MAN2A1: variants seen among roughly 807,000 people sequenced by gnomAD.
MAN2A1 encodes alpha-mannosidase 2.
In MAN2A1, 76 loss-of-function variants were observed where a neutral mutation model predicts 142.6. That is an observed-to-expected ratio of 0.53 (90% confidence interval 0.44 to 0.65). The LOEUF is 0.65. Ranked by LOEUF, MAN2A1 falls within the 30% of genes least tolerant of loss-of-function variation. The probability of loss-of-function intolerance (pLI) is 0.00; values close to 1 mark genes in which losing one functional copy is unlikely to be tolerated. For missense variants in MAN2A1, 1,311 were observed against 1,365.1 expected (o/e 0.96, Z 0.62); for synonymous variants, 559 against 473.2 (o/e 1.18, Z -2.35).
chr5:109,734,919 G>T (rs1029985439), intron 4 of MAN2A1, among the ~76,000 whole-genome samples: 1 of 152,076 alleles, frequency 6.6e-6, no homozygotes, highest in African/African-American at 2.4e-5. Context: ...CAATTCCTGG[G>T]TATCCTTGTT....
intron 12 of MAN2A1, among the ~76,000 whole-genome samples, chr5:109,791,663 G>T (rs1318387012): frequency 1.3e-5 from 2 of 151,874 alleles, no homozygotes; most frequent in African/African-American, 2.4e-5. Context: ...GTGAAAATTG[G>T]TTTTTGGGGA....
At chr5:109,709,586 G>A (rs559804209) in intron 1 of MAN2A1, among the ~76,000 whole-genome samples, 2 of 152,246 alleles carry the variant, frequency 1.3e-5, no homozygotes, top group South Asian at 2.1e-4. Context: ...ATAAATTTAC[G>A]GATTTAGCTG....
chr5:109,848,901 T>G (rs1755407882), intron 19 of MAN2A1, among the ~76,000 whole-genome samples: 1 of 152,226 alleles, frequency 6.6e-6, no homozygotes, highest in Non-Finnish European at 1.5e-5. Flanking sequence ...TTTCATCACT[T>G]CCTTCTCACA....
At chr5:109,840,433 C>G (rs1306435246) in intron 16 of MAN2A1, 2 of 449,358 alleles carry the variant, frequency 4.5e-6, no homozygotes, top group Admixed American at 2.6e-5. Flanking sequence ...TACCAGGTTT[C>G]TGCATCAGCC....
At chr5:109,786,286 T>A (rs1287130981) in intron 10 of MAN2A1, among the ~76,000 whole-genome samples, 1 of 152,028 alleles carries the variant, frequency 6.6e-6, no homozygotes, top group African/African-American at 2.4e-5. Context: ...GCTTGGTTTG[T>A]TGAGAGTTTA....
chr5:109,864,857 G>C lies in MAN2A1; in HGVS notation c.3172-179G>C, dbSNP rs1580327500. On this transcript the variant is annotated intron_variant, in intron 20 of 21. Transcript: ENST00000261483. ...ATCTTACCTGGCTCAGTACAAGTAGGAGAGAATGGTAGCAGGTGAATGGGC... is the reference window on the plus strand; with the variant it reads ...ATCTTACCTGGCTCAGTACAAGTAGCAGAGAATGGTAGCAGGTGAATGGGC... 7 of 603,946 alleles carry C rather than the reference G, an allele frequency of 1.2e-5. No individual in the cohort carries two copies. In the East Asian group the frequency reaches 2.0e-4, roughly 17 times the overall value. The allele number at this position is 603,946 out of a possible 1,614,324, so 37.4% of individuals were successfully genotyped here.
intron 1 of MAN2A1, among the ~76,000 whole-genome samples, chr5:109,711,729 T>A (rs528487130): frequency 1.3e-5 from 2 of 152,322 alleles, no homozygotes; most frequent in Non-Finnish European, 2.9e-5. Context: ...GTGTGCTCCC[T>A]CTCTTGCCTT....
chr5:109,854,933 T>C (rs11750404), intron 19 of MAN2A1: 26,509 of 385,840 alleles, frequency 0.069, 1,130 homozygotes, highest in African/African-American at 0.15. Flanking sequence ...TTTAAACATA[T>C]GAGTTAGATG....
At chr5:109,805,850 A>G (rs972916433) in intron 12 of MAN2A1, among the ~76,000 whole-genome samples, 4 of 152,238 alleles carry the variant, frequency 2.6e-5, no homozygotes, top group Admixed American at 2.0e-4. Context: ...AAGTGTTTCC[A>G]GTAACTGGGA....
chr5:109,740,249 A>AGGTGTCC (rs1290841895), intron 4 of MAN2A1, among the ~76,000 whole-genome samples: 1 of 152,236 alleles, frequency 6.6e-6, no homozygotes, highest in African/African-American at 2.4e-5. Context: ...CAGTTGGGGA[A>AGGTGTCC]GGTGTCCTGG....
At chr5:109,752,435 T>A (rs1229120454) in intron 4 of MAN2A1, among the ~76,000 whole-genome samples, 8 of 152,258 alleles carry the variant, frequency 5.3e-5, no homozygotes, top group Non-Finnish European at 1.0e-4. Flanking sequence ...AGCAAGCTTC[T>A]GAGTGCCGGA....
At chr5:109,758,122 C>T (rs188821625) in intron 5 of MAN2A1, among the ~76,000 whole-genome samples, 2 of 152,200 alleles carry the variant, frequency 1.3e-5, no homozygotes, top group African/African-American at 2.4e-5. Context: ...AGAGCGGTAT[C>T]GTTCTACCTT....
chr5:109,857,504 G>A (rs911206628), intron 20 of MAN2A1, among the ~76,000 whole-genome samples: 6 of 152,086 alleles, frequency 3.9e-5, no homozygotes, highest in Non-Finnish European at 8.8e-5. Flanking sequence ...GAGGATGGGC[G>A]GTCACCATCC....
At chr5:109,700,148 C>T (rs945834911) in intron 1 of MAN2A1, among the ~76,000 whole-genome samples, 5 of 152,048 alleles carry the variant, frequency 3.3e-5, no homozygotes, top group East Asian at 1.9e-4. Flanking sequence ...TTTTTGTTAG[C>T]GTCAGAGGAA....
chr5:109,773,521 G>GT (rs1753205240), intron 7 of MAN2A1, among the ~76,000 whole-genome samples: 1 of 151,172 alleles, frequency 6.6e-6, no homozygotes, highest in African/African-American at 2.4e-5. Flanking sequence ...GTTTTTTATC[G>GT]TAAGTAACCT....
At chr5:109,839,388 A>T (rs1755140689) in intron 16 of MAN2A1, among the ~76,000 whole-genome samples, 1 of 152,064 alleles carries the variant, frequency 6.6e-6, no homozygotes. Context: ...TTCTTTTTCA[A>T]CTTCCCAATA....
At chr5:109,714,360 A>T (rs971879047) in intron 2 of MAN2A1, among the ~76,000 whole-genome samples, 1 of 152,200 alleles carries the variant, frequency 6.6e-6, no homozygotes, top group African/African-American at 2.4e-5. Context: ...AGTGTGCAAG[A>T]TATCTTAATT....
intron 1 of MAN2A1, chr5:109,699,632 T>C (rs1017037696): frequency 6.5e-6 from 1 of 152,692 alleles, no homozygotes; most frequent in Non-Finnish European, 1.5e-5. Context: ...AGCAGGGGAG[T>C]GCAGCTCCTT....
intron 7 of MAN2A1, among the ~76,000 whole-genome samples, chr5:109,772,170 G>A (rs762588467): frequency 2.0e-5 from 3 of 152,076 alleles, no homozygotes; most frequent in South Asian, 2.1e-4. Context: ...CGAGGCAGGC[G>A]GATTTTCTGA....
Sources: allele counts gnomAD v4.1 joint callset (sites outside exome capture counted in the v4.1 genomes callset), GRCh38; gene constraint gnomAD v4.1.1; transcripts MANE v1.5; gene names NCBI Gene and HGNC (gene_info 2026-07-23, HGNC 2026-07-21).